The following MIER1 variants were observed in gnomAD, a reference collection of about 807,000 sequenced individuals.
MIER1 encodes the protein mesoderm induction early response protein 1.
Under a neutral mutation model 75.7 loss-of-function variants are expected in MIER1, and 40 were observed. That is an observed-to-expected ratio of 0.53 (90% CI 0.41 to 0.69). The LOEUF (loss-of-function observed/expected upper bound fraction) is 0.69, where lower values mean the gene tolerates loss of function less well. Among genes scored for constraint, MIER1 ranks in the 30% least tolerant of loss-of-function variants. The pLI is 0.00. For missense variants in MIER1, 574 were observed against 680.2 expected, an observed-to-expected ratio of 0.84 and a Z score of 1.74; for synonymous variants, 213 against 223.4, an observed-to-expected ratio of 0.95 and a Z score of 0.42.
At chr1:66,956,650 G>A (rs1004058619) in intron 4 of MIER1, among the ~76,000 whole-genome samples, 1 of 152,162 alleles carries the variant, frequency 6.6e-6, no homozygotes, top group Non-Finnish European at 1.5e-5. Context: ...TTTAGCTAGA[G>A]TGGCAATACC....
At chr1:66,932,212 T>C (rs1653599536) in intron 2 of MIER1, among the ~76,000 whole-genome samples, 1 of 152,232 alleles carries the variant, frequency 6.6e-6, no homozygotes, top group Admixed American at 6.5e-5. Context: ...CCTAATATTT[T>C]CTAATGTATG....
chr1:66,928,932 G>A lies in MIER1; in HGVS notation c.168+2690G>A, dbSNP rs373223440. 8.1e-6 allele frequency: 13 copies of A among 1,609,030 alleles called. No homozygotes were observed. The African/African-American group carries it at 1.3e-4, about 17-fold the overall frequency. On this transcript the variant is annotated intron_variant, in intron 2 of 13. Transcript: ENST00000401041. The stretch of plus-strand genomic sequence containing the variant: ...TTTATGTTTAATTGGTTTACAGACT[G>A]TCTGTGGACTCTTTTCCTGTCAAAT...
chr1:66,983,514 G>A (rs140910478), intron 13 of MIER1, among the ~76,000 whole-genome samples: 1 of 152,078 alleles, frequency 6.6e-6, no homozygotes, highest in Non-Finnish European at 1.5e-5. Context: ...CCATTTTACA[G>A]TCAACTCTAA....
chr1:66,946,551 G>A, intron 4 of MIER1: 1 of 1,134,218 alleles, frequency 8.8e-7, no homozygotes, highest in South Asian at 3.4e-5. Context: ...CTGCTATAAA[G>A]GTCTGGTCAA....
At chr1:66,929,524 T>G (rs1392954523) in intron 2 of MIER1, among the ~76,000 whole-genome samples, 1 of 152,240 alleles carries the variant, frequency 6.6e-6, no homozygotes, top group Non-Finnish European at 1.5e-5. Flanking sequence ...AAATAAACTT[T>G]CAAGTTACAG....
intron 4 of MIER1, chr1:66,946,681 C>G: frequency 1.0e-6 from 1 of 990,230 alleles, no homozygotes; most frequent in Non-Finnish European, 1.2e-6. Flanking sequence ...TTTCCATTCA[C>G]TACATAAAGT....
intron 2 of MIER1, among the ~76,000 whole-genome samples, 152 bp downstream of exon 2, chr1:66,926,394 A>G (rs1164463388): frequency 6.6e-6 from 1 of 152,220 alleles, no homozygotes; most frequent in Non-Finnish European, 1.5e-5. Context: ...ATAACATGTC[A>G]TCAATGTAAA....
chr1:66,946,593 C>T (rs1298765514), intron 4 of MIER1: 40 of 1,041,830 alleles, frequency 3.8e-5, no homozygotes, highest in Non-Finnish European at 4.5e-5. Flanking sequence ...TACACGGCCT[C>T]ATATATCCTT....
At chr1:66,954,254 T>G (rs950309938) in intron 4 of MIER1, among the ~76,000 whole-genome samples, 3 of 152,336 alleles carry the variant, frequency 2.0e-5, no homozygotes, top group Admixed American at 6.5e-5. Context: ...TGTTTTGTTG[T>G]GTGTGTAATT....
At chr1:66,981,974 G>A (rs973410078) in intron 13 of MIER1, 56 bp downstream of exon 13, 3 of 1,582,954 alleles carry the variant, frequency 1.9e-6, no homozygotes, top group African/African-American at 1.3e-5. Context: ...CTTTCTTGCA[G>A]TGACTTGGGA....
intron 2 of MIER1, among the ~76,000 whole-genome samples, chr1:66,930,584 G>T (rs1652966825): frequency 6.6e-6 from 1 of 152,012 alleles, no homozygotes; most frequent in South Asian, 2.1e-4. Flanking sequence ...GATGGGTCCG[G>T]GGGTAGGAGG....
At chr1:66,970,291 T>G (rs749409311) in intron 8 of MIER1, among the ~76,000 whole-genome samples, 6 of 152,190 alleles carry the variant, frequency 3.9e-5, no homozygotes, top group Non-Finnish European at 8.8e-5. Flanking sequence ...AAAGTAAAAT[T>G]TACTTCAAAT....
At chr1:66,938,496 C>CAA (rs1169343638) in intron 2 of MIER1, among the ~76,000 whole-genome samples, 3 of 152,128 alleles carry the variant, frequency 2.0e-5, no homozygotes, top group Non-Finnish European at 2.9e-5. Context: ...GCGTGAAACA[C>CAA]AAGTGGATTA....
In MIER1 at chr1:66,969,545, CAAAAAAAAAA is replaced by C. The variant is rs35924256; in HGVS notation, c.773-1242_773-1233del. 2.7e-3 allele frequency among the ~76,000 whole-genome samples: 172 copies of C among 63,560 alleles called. 1 individual carries two copies. The highest frequency in any genetic ancestry group is 0.012 in the East Asian group (19 of 1,556). The allele number at this position is 63,560 out of a possible 152,430, so 41.7% of individuals were successfully genotyped here. On this transcript the variant is annotated intron_variant, in intron 8 of 13. Transcript: ENST00000401041. ...GGGCAACAGAGCAAGACTTCGTCTCCAAAAAAAAAAAAAAAAAAAAAAAAAAAAAATCATT... is the reference window on the plus strand; with the variant it reads ...GGGCAACAGAGCAAGACTTCGTCTCCAAAAAAAAAAAAAAAAAAAATCATT...
intron 11 of MIER1, among the ~76,000 whole-genome samples, chr1:66,973,475 G>C (rs1262087689): frequency 6.6e-6 from 1 of 152,016 alleles, no homozygotes. Context: ...AGGAGCTTCT[G>C]TGTCGATAAA....
intron 8 of MIER1, among the ~76,000 whole-genome samples, chr1:66,963,483 C>T (rs988932028): frequency 2.6e-5 from 4 of 152,068 alleles, no homozygotes; most frequent in African/African-American, 9.7e-5. Flanking sequence ...CTTCTCTAAT[C>T]TTTATAATTT....
At position 66,958,154 on chromosome 1, in the gene MIER1, A is replaced by G. The variant is rs1380074947; in HGVS notation, c.435A>G (p.Glu145=). The G allele has an allele frequency of 4.4e-6, 7 of 1,603,150 alleles. No individual in the cohort carries two copies. Among genetic ancestry groups the G allele is most frequent in the Non-Finnish European group, 6.0e-6 (7 of 1,170,206 alleles). ...AAGATGAGGAAGAGGAAGAAGAGGA[A>G]GAAGAAGGTGAAGATGATGAAGATG... ...PEEDEEEEEE[E]EEGEDDEDAD... The change falls in exon 5 of 14, where the codon GAA becomes GAG. Residue 145 remains glutamate (E), a synonymous_variant. Transcript: ENST00000401041.
At position 66,946,294 on chromosome 1, in the gene MIER1, G is replaced by A; in HGVS notation, c.338G>A (p.Arg113Lys). The A allele has an allele frequency of 1.2e-6, 2 of 1,603,706 alleles. No individual in the cohort carries two copies. The highest frequency in any genetic ancestry group is 8.5e-7 in the Non-Finnish European group (1 of 1,177,086). ...NFSSEIEDLAREGDMPIHELL... is the reference protein window; with the variant it reads ...NFSSEIEDLAKEGDMPIHELL... ...AGCTCTGAAATAGAAGATCTTGCAA[G>A]GGTAAATAACATGTAGAGCTAGGGT... Residue 113 changes from arginine (R) to lysine (K), a missense_variant and splice_region_variant, in exon 4 of 14, where the codon AGG becomes AAG. Transcript: ENST00000401041.
chr1:66,954,238 G>A (rs147395614), intron 4 of MIER1, among the ~76,000 whole-genome samples: 79 of 152,306 alleles, frequency 5.2e-4, no homozygotes, highest in African/African-American at 1.7e-3. Context: ...CTAAGTTCAC[G>A]TTGAGTGTTT....
Sources: allele counts gnomAD v4.1 joint callset (sites outside exome capture counted in the v4.1 genomes callset), GRCh38; gene constraint gnomAD v4.1.1; transcripts MANE v1.5; gene names NCBI Gene and HGNC (gene_info 2026-07-23, HGNC 2026-07-21).